The following RBFOX3 variants were observed in gnomAD, a reference collection of about 807,000 sequenced individuals.
RBFOX3 encodes the protein RNA binding protein fox-1 homolog 3.
RBFOX3 carries 17 observed loss-of-function variants against 48.7 expected under a neutral mutation model. That is an observed-to-expected ratio of 0.35 (90% CI 0.24 to 0.52). RBFOX3 has a LOEUF of 0.52. Ranked by LOEUF, RBFOX3 falls within the 20% of genes least tolerant of loss-of-function variation. RBFOX3 has a pLI of 0.94. For missense variants in RBFOX3, 382 were observed against 497.5 expected (o/e 0.77, Z 2.21); for synonymous variants, 212 against 209.5 (o/e 1.01, Z -0.10).
intron 4 of RBFOX3, among the ~76,000 whole-genome samples, chr17:79,222,903 A>G (rs969048368): frequency 9.9e-5 from 15 of 152,190 alleles, no homozygotes; most frequent in African/African-American, 2.7e-4. Context: ...TTTCCTCTGT[A>G]GCCTGTGTCC....
intron 3 of RBFOX3, among the ~76,000 whole-genome samples, chr17:79,248,585 T>G (rs765455151): frequency 6.6e-6 from 1 of 152,224 alleles, no homozygotes; most frequent in African/African-American, 2.4e-5. Context: ...GAGGTAACGA[T>G]TTTTGAAACA....
intron 3 of RBFOX3, among the ~76,000 whole-genome samples, chr17:79,245,715 C>T (rs2063077648): frequency 6.6e-6 from 1 of 151,324 alleles, no homozygotes; most frequent in Non-Finnish European, 1.5e-5. Context: ...GCAACCTCCA[C>T]CTCCTGGGTT....
At chr17:79,167,772 G>A (rs1182774582) in intron 4 of RBFOX3, among the ~76,000 whole-genome samples, 1 of 152,214 alleles carries the variant, frequency 6.6e-6, no homozygotes, top group Non-Finnish European at 1.5e-5. Context: ...CTGGGGTCCA[G>A]GGCACCCCGG....
chr17:79,321,937 C>T (rs1265265090), intron 2 of RBFOX3, among the ~76,000 whole-genome samples: 2 of 152,098 alleles, frequency 1.3e-5, no homozygotes, highest in Non-Finnish European at 2.9e-5. Flanking sequence ...AACTCCTGAC[C>T]TCAGGTGATC....
chr17:79,227,063 C>T (rs1336251787), intron 4 of RBFOX3, among the ~76,000 whole-genome samples: 8 of 152,208 alleles, frequency 5.3e-5, no homozygotes. Flanking sequence ...CTTTCTCACT[C>T]CCGTGTCTCT....
At chr17:79,401,196 AAGAAC>A (rs2062757008) in intron 2 of RBFOX3, among the ~76,000 whole-genome samples, 1 of 152,208 alleles carries the variant, frequency 6.6e-6, no homozygotes, top group Non-Finnish European at 1.5e-5. Flanking sequence ...AAGGAAAGAT[AAGAAC>A]TTCGGGGCTC....
At position 79,289,847 on chromosome 17, in the gene RBFOX3, T is replaced by A. The variant is rs554423263; in HGVS notation, c.-74+17877A>T. On this transcript the variant is annotated intron_variant, in intron 3 of 14. Coordinates refer to ENST00000693108, the MANE Select transcript of RBFOX3 (RefSeq NM_001350451.2). ...CTCTGGTGGCTTTCTGTAGTGAACA[T>A]GACATCAATAACATTGATTGCTAAA... Among the ~76,000 whole-genome samples the A allele has an allele frequency of 2.0e-5, 3 of 152,346 alleles. No homozygotes were observed. In the South Asian group the frequency reaches 6.2e-4, roughly 32 times the overall value.
chr17:79,593,172 G>A (rs1165876659), intron 1 of RBFOX3, among the ~76,000 whole-genome samples: 2 of 152,030 alleles, frequency 1.3e-5, no homozygotes, highest in Non-Finnish European at 2.9e-5. Context: ...CTCTTGGCAG[G>A]CAGACACCCC....
chr17:79,526,015 G>A lies in RBFOX3; in HGVS notation c.-319-43417C>T, dbSNP rs1253290085. 2.6e-5 allele frequency among the ~76,000 whole-genome samples: 4 copies of A among 152,202 alleles called. No individual in the cohort carries two copies. The East Asian group carries it at 5.8e-4, about 22-fold the overall frequency. ...CGGCTCAAAGGTTTGCCTCCAGGCT[G>A]CTTCCAGGTTGGGGTACACCAGGGG... On this transcript the variant is annotated intron_variant, in intron 1 of 14. Coordinates refer to ENST00000693108, the MANE Select transcript of RBFOX3 (RefSeq NM_001350451.2).
chr17:79,639,320 AC>A, the RBFOX3 span, among the ~76,000 whole-genome samples: 52 of 152,026 alleles, frequency 3.4e-4, no homozygotes, highest in African/African-American at 1.3e-3. Flanking sequence ...GACTACAGGC[AC>A]CCACCACCGC....
intron 4 of RBFOX3, among the ~76,000 whole-genome samples, chr17:79,219,268 C>T (rs2059428192): frequency 6.6e-6 from 1 of 152,212 alleles, no homozygotes; most frequent in Admixed American, 6.5e-5. Flanking sequence ...GCTGGCTGGG[C>T]ACAGGGGAAA....
intron 4 of RBFOX3, among the ~76,000 whole-genome samples, chr17:79,134,776 A>G (rs1045222232): frequency 6.6e-6 from 1 of 152,148 alleles, no homozygotes; most frequent in African/African-American, 2.4e-5. Context: ...AAAGGACGCC[A>G]CTCGGAACAT....
At chr17:79,463,846 T>TGCCACTGCCACCTCCCCATC (rs1788910057) in intron 2 of RBFOX3, among the ~76,000 whole-genome samples, 1 of 131,416 alleles carries the variant, frequency 7.6e-6, no homozygotes, top group Admixed American at 7.7e-5. Flanking sequence ...CCACCACCAT[T>TGCCACTGCCACCTCCCCATC]GCCACTGCCA....
chr17:79,348,934 C>T (rs899944266), intron 2 of RBFOX3, among the ~76,000 whole-genome samples: 3 of 151,988 alleles, frequency 2.0e-5, no homozygotes, highest in African/African-American at 2.4e-5. Flanking sequence ...CTCCACTCTC[C>T]GAGAAACCCT....
intron 3 of RBFOX3, among the ~76,000 whole-genome samples, chr17:79,239,914 G>A (rs138953662): frequency 9.8e-4 from 150 of 152,336 alleles, no homozygotes; most frequent in African/African-American, 3.5e-3. Flanking sequence ...TCCCAGCCAC[G>A]GATGTGCATT....
chr17:79,097,802 A>C, intron 9 of RBFOX3, 57 bp from the exon 10 acceptor site: 2 of 1,503,350 alleles, frequency 1.3e-6, no homozygotes, highest in Non-Finnish European at 1.8e-6. Context: ...TTCCCACCAA[A>C]ACGTATGCCT....
intron 1 of RBFOX3, among the ~76,000 whole-genome samples, chr17:79,581,130 C>T (rs1044262619): frequency 6.6e-6 from 1 of 152,206 alleles, no homozygotes; most frequent in Non-Finnish European, 1.5e-5. Context: ...CGCCTGTAGT[C>T]CCAGCTACTC....
intron 3 of RBFOX3, chr17:79,298,359 A>C (rs1229202995): frequency 6.6e-6 from 1 of 152,218 alleles, no homozygotes; most frequent in Non-Finnish European, 1.5e-5. Flanking sequence ...ACGATGGGCG[A>C]GCACAGAAAG....
At chr17:79,276,149 C>G (rs774450787) in intron 3 of RBFOX3, among the ~76,000 whole-genome samples, 1 of 152,186 alleles carries the variant, frequency 6.6e-6, no homozygotes, top group Non-Finnish European at 1.5e-5. Context: ...ATTCCATTCA[C>G]GTGACACGTC....
Sources: gnomAD v4.1 joint callset for allele counts (sites outside exome capture counted in the v4.1 genomes callset) on GRCh38, gnomAD v4.1.1 for gene constraint, MANE v1.5 for transcripts, NCBI Gene and HGNC (gene_info 2026-07-23, HGNC 2026-07-21) for gene names.